Variants in PHF20 observed in about 807,000 individuals in gnomAD.
PHF20 encodes PHD finger protein 20.
Under a neutral mutation model 113.5 loss-of-function variants are expected in PHF20, and 23 were observed. The observed-to-expected ratio is 0.20, with a 90% CI of 0.15 to 0.29. PHF20 has a LOEUF of 0.29. Ranked by LOEUF, PHF20 falls within the 10% of genes least tolerant of loss-of-function variation. PHF20 has a pLI of 1.00. For synonymous variants in PHF20, 434 were observed against 457.3 expected, an observed-to-expected ratio of 0.95 and a Z score of 0.65; for missense variants, 943 against 1,219.6, an observed-to-expected ratio of 0.77 and a Z score of 3.38.
At chr20:35,823,632 C>CAA (rs34177764) in intron 2 of PHF20, among the ~76,000 whole-genome samples, 84 of 52,796 alleles carry the variant, frequency 1.6e-3, no homozygotes, top group East Asian at 2.8e-3. Context: ...GACCCTGTCT[C>CAA]AAAAAAAAAA....
At chr20:35,918,670 T>G (rs1361895344) in intron 13 of PHF20, among the ~76,000 whole-genome samples, 1 of 152,168 alleles carries the variant, frequency 6.6e-6, no homozygotes, top group Admixed American at 6.5e-5. Context: ...CAAATTTAGA[T>G]CAGATATTAG....
At chr20:35,855,879 A>G (rs1306413094) in intron 4 of PHF20, among the ~76,000 whole-genome samples, 1 of 152,010 alleles carries the variant, frequency 6.6e-6, no homozygotes, top group Non-Finnish European at 1.5e-5. Flanking sequence ...GGGTTTCACC[A>G]TGTTGGCCAG....
intron 2 of PHF20, among the ~76,000 whole-genome samples, chr20:35,810,542 T>G (rs906931511): frequency 1.3e-5 from 2 of 152,096 alleles, no homozygotes; most frequent in African/African-American, 4.8e-5. Context: ...TACCCTCATG[T>G]GGGTGCTCTT....
intron 2 of PHF20, among the ~76,000 whole-genome samples, chr20:35,828,771 T>C (rs1252861492): frequency 1.3e-5 from 2 of 152,196 alleles, no homozygotes; most frequent in East Asian, 3.8e-4. Context: ...CTTAGAGCAG[T>C]GTTTCTCAAA....
intron 2 of PHF20, among the ~76,000 whole-genome samples, chr20:35,841,756 G>A (rs1479502145): frequency 6.6e-6 from 1 of 151,868 alleles, no homozygotes; most frequent in Non-Finnish European, 1.5e-5. Flanking sequence ...GCGACAGAGC[G>A]AGACCCTGTC....
At chr20:35,835,345 A>G (rs1209737149) in intron 2 of PHF20, among the ~76,000 whole-genome samples, 1 of 152,180 alleles carries the variant, frequency 6.6e-6, no homozygotes, top group Non-Finnish European at 1.5e-5. Flanking sequence ...GTAGATAAAG[A>G]ACTACCTTCT....
chr20:35,817,779 G>C (rs2042102428), intron 2 of PHF20, among the ~76,000 whole-genome samples: 1 of 151,952 alleles, frequency 6.6e-6, no homozygotes, highest in East Asian at 1.9e-4. Flanking sequence ...CTGGGTGACA[G>C]AGTGATACCC....
intron 6 of PHF20, among the ~76,000 whole-genome samples, chr20:35,868,073 C>A (rs537897877): frequency 1.3e-5 from 2 of 152,152 alleles, no homozygotes; most frequent in East Asian, 3.9e-4. Flanking sequence ...GCAGGCAGAT[C>A]ACCTGAGGTC....
chr20:35,836,400 T>A (rs1235875733), intron 2 of PHF20, among the ~76,000 whole-genome samples: 1 of 152,210 alleles, frequency 6.6e-6, no homozygotes, highest in Non-Finnish European at 1.5e-5. Flanking sequence ...AAAAACTTAA[T>A]GTGTCATGGA....
At chr20:35,805,871 T>G (rs1338159233) in intron 2 of PHF20, among the ~76,000 whole-genome samples, 5 of 151,840 alleles carry the variant, frequency 3.3e-5, no homozygotes, top group Non-Finnish European at 7.4e-5. Flanking sequence ...GTTCTTTTTT[T>G]TTTCGTTTGG....
chr20:35,913,214 A>C, intron 10 of PHF20, 35 bp from the exon 11 acceptor site: 1 of 1,507,522 alleles, frequency 6.6e-7, no homozygotes, highest in African/African-American at 1.4e-5. Flanking sequence ...TTGAAAACAA[A>C]ATGTTAAAAT....
intron 2 of PHF20, chr20:35,838,498 A>G (rs1321386074): frequency 1.3e-5 from 2 of 152,126 alleles, no homozygotes; most frequent in Non-Finnish European, 2.9e-5. Flanking sequence ...GCATTCAAAT[A>G]CTGTTTGACA....
chr20:35,856,765 G>A (rs2042836031), intron 4 of PHF20, among the ~76,000 whole-genome samples: 1 of 152,182 alleles, frequency 6.6e-6, no homozygotes, highest in Non-Finnish European at 1.5e-5. Flanking sequence ...TCAGTGAGTG[G>A]CACATTCCCA....
At chr20:35,824,142 A>C (rs2042222065) in intron 2 of PHF20, among the ~76,000 whole-genome samples, 1 of 152,186 alleles carries the variant, frequency 6.6e-6, no homozygotes, top group Non-Finnish European at 1.5e-5. Flanking sequence ...GAAACCGCCA[A>C]ACTTTTTCAG....
At chr20:35,906,488 C>T (rs117058704) in intron 10 of PHF20, among the ~76,000 whole-genome samples, 6 of 142,424 alleles carry the variant, frequency 4.2e-5, no homozygotes, top group East Asian at 3.9e-4. Flanking sequence ...GCTTTCTCCC[C>T]GTTTTTCCAC....
At chr20:35,823,667 GA>G (rs1255536349) in intron 2 of PHF20, among the ~76,000 whole-genome samples, 2 of 135,712 alleles carry the variant, frequency 1.5e-5, no homozygotes, top group African/African-American at 2.7e-5. Context: ...GGTGAAGAAA[GA>G]AAAAAAAAGA....
In PHF20 at chr20:35,842,768, C is replaced by T. The variant is rs1209275857; in HGVS notation, c.255+24C>T. ...CTGTGAGTAACAAATCTGGGAAGTT[C>T]TGTAGTATGCAAGGTCAGCCATTGG... On this transcript the variant is annotated intron_variant, in intron 3 of 17. Coordinates refer to ENST00000374012, the MANE Select transcript of PHF20 (RefSeq NM_016436.5). 2.5e-6 allele frequency: 4 copies of T among 1,605,530 alleles called. No homozygotes were observed. The African/African-American group carries it at 5.4e-5, about 22-fold the overall frequency.
At chr20:35,789,168 C>G (rs1467740345) in intron 1 of PHF20, among the ~76,000 whole-genome samples, 1 of 152,062 alleles carries the variant, frequency 6.6e-6, no homozygotes, top group Admixed American at 6.6e-5. Context: ...TTAACCCCAG[C>G]ACTTTGGGAG....
chr20:35,902,423 G>T (rs2055114611), intron 10 of PHF20, among the ~76,000 whole-genome samples: 1 of 152,176 alleles, frequency 6.6e-6, no homozygotes, highest in East Asian at 1.9e-4. Context: ...GGCTTGACAG[G>T]CAGGAGGCCA....
Sources: gnomAD v4.1 joint callset for allele counts (sites outside exome capture counted in the v4.1 genomes callset) on GRCh38, gnomAD v4.1.1 for gene constraint, MANE v1.5 for transcripts, NCBI Gene and HGNC (gene_info 2026-07-23, HGNC 2026-07-21) for gene names.